Variants in SLC8A1 observed in about 807,000 individuals in gnomAD.
SLC8A1 encodes the protein solute carrier family 8 member A1.
SLC8A1 carries 18 observed loss-of-function variants against 68.3 expected under a neutral mutation model. The ratio of observed to expected loss-of-function variants is 0.26; its 90% CI spans 0.18 to 0.39. The LOEUF (loss-of-function observed/expected upper bound fraction) is 0.39. SLC8A1 is among the 10% of genes least tolerant of loss of function. The probability of loss-of-function intolerance (pLI) is 1.00; values close to 1 mark genes in which losing one functional copy is unlikely to be tolerated. For synonymous variants in SLC8A1, 475 were observed against 415.5 expected, an observed-to-expected ratio of 1.14 and a Z score of -1.74; for missense variants, 985 against 1,156.7, an observed-to-expected ratio of 0.85 and a Z score of 2.15.
At chr2:40,222,462 A>G (rs1335313453) in intron 2 of SLC8A1, among the ~76,000 whole-genome samples, 1 of 152,244 alleles carries the variant, frequency 6.6e-6, no homozygotes, top group South Asian at 2.1e-4. Flanking sequence ...GGACATAGGC[A>G]TGGGCAAAGA....
chr2:40,301,586 T>C (rs35977357), intron 2 of SLC8A1, among the ~76,000 whole-genome samples: 29,088 of 151,870 alleles, frequency 0.19, 3,317 homozygotes, highest in East Asian at 0.37. Flanking sequence ...TTTTGGGGAC[T>C]TGGAGGGAAG....
intron 1 of SLC8A1, among the ~76,000 whole-genome samples, chr2:40,496,840 C>G (rs913056254): frequency 1.4e-5 from 2 of 147,188 alleles, no homozygotes; most frequent in East Asian, 4.0e-4. Flanking sequence ...AACCAAACAC[C>G]GCATATTCTC....
At chr2:40,176,267 G>A (rs1310043058) in intron 3 of SLC8A1, among the ~76,000 whole-genome samples, 2 of 152,138 alleles carry the variant, frequency 1.3e-5, no homozygotes, top group Non-Finnish European at 2.9e-5. Context: ...GAATCCACTT[G>A]GCGGGTGTGA....
At chr2:40,405,858 T>G (rs1050307718) in intron 2 of SLC8A1, among the ~76,000 whole-genome samples, 8 of 152,338 alleles carry the variant, frequency 5.3e-5, no homozygotes, top group Admixed American at 2.0e-4. Context: ...TGACCTGAAA[T>G]CAGGTTAGTA....
At chr2:40,242,258 G>A (rs926977257) in intron 2 of SLC8A1, among the ~76,000 whole-genome samples, 4 of 152,160 alleles carry the variant, frequency 2.6e-5, no homozygotes, top group African/African-American at 9.7e-5. Flanking sequence ...CATCAAAGAT[G>A]TTTAAGTAAA....
At chr2:40,200,690 C>G (rs2054197437) in intron 2 of SLC8A1, among the ~76,000 whole-genome samples, 1 of 151,600 alleles carries the variant, frequency 6.6e-6, no homozygotes, top group African/African-American at 2.4e-5. Flanking sequence ...AGTAAAAGGC[C>G]AAATGAAGAC....
chr2:40,205,211 G>C (rs552558679), intron 2 of SLC8A1, among the ~76,000 whole-genome samples: 1 of 151,932 alleles, frequency 6.6e-6, no homozygotes, highest in Non-Finnish European at 1.5e-5. Context: ...ATACCTATTT[G>C]AAAACATGTT....
chr2:40,191,046 TGGTAAGCTTGTA>T (rs2148647765), intron 2 of SLC8A1, among the ~76,000 whole-genome samples: 1 of 152,298 alleles, frequency 6.6e-6, no homozygotes, highest in Non-Finnish European at 1.5e-5. Flanking sequence ...TACAACAATG[TGGTAAGCTTGTA>T]GGCATAGTTG....
At chr2:40,133,531 T>C (rs886647481) in intron 7 of SLC8A1, among the ~76,000 whole-genome samples, 15 of 151,902 alleles carry the variant, frequency 9.9e-5, no homozygotes, top group Non-Finnish European at 1.9e-4. Flanking sequence ...CAGAAAATCA[T>C]ACAATGCCAG....
At chr2:40,219,408 A>G (rs903508533) in intron 2 of SLC8A1, among the ~76,000 whole-genome samples, 4 of 152,212 alleles carry the variant, frequency 2.6e-5, no homozygotes, top group Non-Finnish European at 4.4e-5. Flanking sequence ...TTCTTTCAAA[A>G]CAGTTCAAAA....
At chr2:40,253,601 G>T (rs576185252) in intron 2 of SLC8A1, among the ~76,000 whole-genome samples, 1 of 151,936 alleles carries the variant, frequency 6.6e-6, no homozygotes, top group African/African-American at 2.4e-5. Context: ...CGAGGCAGGC[G>T]GATCACCTGA....
chr2:40,117,846 A>G (rs2035828095), intron 7 of SLC8A1, among the ~76,000 whole-genome samples: 1 of 152,192 alleles, frequency 6.6e-6, no homozygotes, highest in African/African-American at 2.4e-5. Context: ...AGATATGTAC[A>G]GCATGTAAAT....
At chr2:40,097,901 A>T (rs1280643412) in exon 8 of SLC8A1, 1 of 151,990 alleles carries the variant, frequency 6.6e-6, no homozygotes, top group Non-Finnish European at 1.5e-5. Context: ...CATGATTACG[A>T]CAGAGATGCT....
At chr2:40,319,130 T>A (rs2074869667) in intron 2 of SLC8A1, among the ~76,000 whole-genome samples, 1 of 152,082 alleles carries the variant, frequency 6.6e-6, no homozygotes, top group Non-Finnish European at 1.5e-5. Flanking sequence ...ACAGGCAGTG[T>A]GGGAATGGCT....
At chr2:40,247,436 G>A (rs62148836) in intron 2 of SLC8A1, among the ~76,000 whole-genome samples, 2 of 29,556 alleles carry the variant, frequency 6.8e-5, no homozygotes, top group African/African-American at 1.6e-4. Context: ...GCATATATAT[G>A]TGTGTGTGTG....
chr2:40,416,452 C>G (rs1693912410), intron 2 of SLC8A1, among the ~76,000 whole-genome samples: 1 of 152,040 alleles, frequency 6.6e-6, no homozygotes, highest in Admixed American at 6.6e-5. Flanking sequence ...AAGGCATAGA[C>G]TAATTTAGAA....
intron 2 of SLC8A1, among the ~76,000 whole-genome samples, chr2:40,206,666 G>A (rs904610605): frequency 2.6e-5 from 4 of 151,940 alleles, no homozygotes; most frequent in African/African-American, 4.8e-5. Context: ...AGAACCAGCA[G>A]AATGAGCTTT....
At chr2:40,188,711 T>G (rs2051175264) in intron 2 of SLC8A1, among the ~76,000 whole-genome samples, 1 of 152,230 alleles carries the variant, frequency 6.6e-6, no homozygotes, top group South Asian at 2.1e-4. Flanking sequence ...GAGGTCAGCT[T>G]TAAAATAAGA....
chr2:40,255,140 A>ATGTC (rs1465122544), intron 2 of SLC8A1: 1 of 152,158 alleles, frequency 6.6e-6, no homozygotes, highest in African/African-American at 2.4e-5. Flanking sequence ...TTGTTGGTTA[A>ATGTC]TGTCTGCAAA....
Sources: allele counts gnomAD v4.1 joint callset (sites outside exome capture counted in the v4.1 genomes callset), GRCh38; gene constraint gnomAD v4.1.1; transcripts MANE v1.5; gene names NCBI Gene and HGNC (gene_info 2026-07-23, HGNC 2026-07-21).